HPCAL1: variants seen among roughly 807,000 people sequenced by gnomAD.
HPCAL1 encodes the protein hippocalcin like 1.
Under a neutral mutation model 17.1 loss-of-function variants are expected in HPCAL1, and 8 were observed. The ratio of observed to expected loss-of-function variants is 0.47; its 90% CI spans 0.27 to 0.84. HPCAL1 has a LOEUF of 0.84. Ranked by LOEUF, HPCAL1 falls within the 40% of genes least tolerant of loss-of-function variation. The pLI is 0.13. For missense variants in HPCAL1, 165 were observed against 271.1 expected (o/e 0.61, Z 2.75); for synonymous variants, 112 against 111.4 (o/e 1.01, Z -0.03).
intron 1 of HPCAL1, among the ~76,000 whole-genome samples, chr2:10,347,093 G>C (rs1277893969): frequency 6.6e-6 from 1 of 152,066 alleles, no homozygotes; most frequent in Admixed American, 6.5e-5. Flanking sequence ...AGTCTCTAGA[G>C]AGCCCCGCAC....
chr2:10,314,578 G>C (rs1663189091), intron 1 of HPCAL1, among the ~76,000 whole-genome samples: 1 of 152,178 alleles, frequency 6.6e-6, no homozygotes, highest in South Asian at 2.1e-4. Context: ...GTTCCCTTAA[G>C]AGGATCCTCT....
chr2:10,409,465 G>T (rs1304708272), intron 2 of HPCAL1, among the ~76,000 whole-genome samples: 2 of 152,228 alleles, frequency 1.3e-5, no homozygotes, highest in Admixed American at 1.3e-4. Flanking sequence ...CAGGCAGCTT[G>T]ACTGTCACTT....
chr2:10,354,227 G>A lies in HPCAL1; in HGVS notation c.-110-42608G>A, dbSNP rs1666002176. On this transcript the variant is annotated intron_variant, in intron 1 of 4. Coordinates refer to ENST00000307845, the MANE Select transcript of HPCAL1 (RefSeq NM_002149.4). The surrounding 1 kb of genome is among the most constrained non-coding windows in gnomAD (Gnocchi z 5.1). ...TCTCAACCCCTCAGGCCCAGCAGAA[G>A]TCCTCTCTGTCTTCTCCAGGCGCAG... The A allele has an allele frequency of 6.6e-6, 1 of 152,242 alleles. No homozygotes were observed. The highest frequency in any genetic ancestry group is 2.4e-5 in the African/African-American group (1 of 41,434). The allele number at this position is 152,242 out of a possible 1,614,324, so 9.4% of individuals were successfully genotyped here.
At position 10,323,527 on chromosome 2, in the gene HPCAL1, G is replaced by T. The variant is rs1558457172; in HGVS notation, c.-111+20350G>T. ...ACAATGGGTGACTGAGGCAGTTACA[G>T]GTGTCAGCCCCAGATGAGGCTCCCC... On this transcript the variant is annotated intron_variant, in intron 1 of 4. Coordinates refer to ENST00000307845, the MANE Select transcript of HPCAL1 (RefSeq NM_002149.4). The surrounding 1 kb of genome is among the most constrained non-coding windows in gnomAD (Gnocchi z 4.6). Among the ~76,000 whole-genome samples the T allele has an allele frequency of 1.3e-5, 2 of 152,196 alleles. No individual in the cohort carries two copies. The highest frequency in any genetic ancestry group is 1.3e-4 in the Admixed American group (2 of 15,278).
intron 1 of HPCAL1, among the ~76,000 whole-genome samples, chr2:10,326,263 C>G (rs1343143621): frequency 6.6e-6 from 1 of 152,258 alleles, no homozygotes; most frequent in Non-Finnish European, 1.5e-5. Context: ...TGGGAGATCT[C>G]CCTGCCTCAA....
chr2:10,368,434 G>A (rs534617453), intron 1 of HPCAL1, among the ~76,000 whole-genome samples: 3 of 152,172 alleles, frequency 2.0e-5, no homozygotes, highest in Non-Finnish European at 4.4e-5. Flanking sequence ...GCTCCTTGAG[G>A]GCAGGGTGGT....
chr2:10,416,966 C>T (rs570417717), intron 2 of HPCAL1, among the ~76,000 whole-genome samples: 6 of 152,180 alleles, frequency 3.9e-5, no homozygotes, highest in Non-Finnish European at 5.9e-5. Context: ...TGCTTGTCCT[C>T]GTCTGGGGCA....
intron 2 of HPCAL1, among the ~76,000 whole-genome samples, chr2:10,401,647 G>A (rs770372390): frequency 5.9e-5 from 9 of 152,152 alleles, no homozygotes; most frequent in Admixed American, 1.3e-4. Flanking sequence ...CCTGCCTCTC[G>A]TCAAACAATT....
At chr2:10,397,732 C>T (rs748296264) in intron 2 of HPCAL1, among the ~76,000 whole-genome samples, 16 of 147,380 alleles carry the variant, frequency 1.1e-4, no homozygotes, top group East Asian at 5.8e-4. Context: ...TGCCAGCTCC[C>T]GAGACAGGAA....
chr2:10,352,315 C>G, intron 1 of HPCAL1, among the ~76,000 whole-genome samples: 1 of 152,298 alleles, frequency 6.6e-6, no homozygotes, highest in South Asian at 2.1e-4. Context: ...GCTTTCCTTT[C>G]GCCTGTTTGG....
intron 2 of HPCAL1, among the ~76,000 whole-genome samples, chr2:10,411,617 C>T (rs537449937): frequency 6.6e-6 from 1 of 152,352 alleles, no homozygotes; most frequent in South Asian, 2.1e-4. Context: ...CATGCCTACA[C>T]CATAACTCAA....
chr2:10,335,253 A>G (rs1664646401), intron 1 of HPCAL1, among the ~76,000 whole-genome samples: 1 of 152,216 alleles, frequency 6.6e-6, no homozygotes, highest in Non-Finnish European at 1.5e-5. Flanking sequence ...TTATAAAAAG[A>G]CTGCAGCTGC....
intron 1 of HPCAL1, among the ~76,000 whole-genome samples, chr2:10,324,854 G>A (rs375449440): frequency 7.8e-5 from 9 of 114,860 alleles, no homozygotes; most frequent in Non-Finnish European, 1.3e-4. Flanking sequence ...ACAGAGTCTC[G>A]CTCTGTCACC....
At chr2:10,410,435 TC>T (rs1220872389) in intron 2 of HPCAL1, among the ~76,000 whole-genome samples, 7 of 106,622 alleles carry the variant, frequency 6.6e-5, no homozygotes, top group African/African-American at 2.3e-4. Flanking sequence ...TTCTTCTTCT[TC>T]TTTTTTTTTT....
chr2:10,402,152 G>A (rs1339884393), intron 2 of HPCAL1, among the ~76,000 whole-genome samples: 3 of 152,082 alleles, frequency 2.0e-5, no homozygotes, highest in East Asian at 1.9e-4. Context: ...TGCCCGCCTC[G>A]GCCTCCCAAA....
chr2:10,420,573 C>T lies in HPCAL1; in HGVS notation c.378+438C>T, dbSNP rs112016548. ...TACCTGGTGCACTTTGGAAAGTGAG[C>T]AGTTGTCACCTGATTGGGCAGACCC... On this transcript the variant is annotated intron_variant, in intron 3 of 4. Coordinates refer to ENST00000307845, the MANE Select transcript of HPCAL1 (RefSeq NM_002149.4). Among the ~76,000 whole-genome samples, 299 of 152,100 alleles carry T rather than the reference C, an allele frequency of 2.0e-3. 1 individual carries two copies. The highest frequency in any genetic ancestry group is 6.7e-3 in the African/African-American group (278 of 41,470).
rs1000821148 is a variant in HPCAL1 at position 10,330,850 on chromosome 2, A to G, written c.-111+27673A>G. On this transcript the variant is annotated intron_variant, in intron 1 of 4. Transcript: ENST00000307845. This position sits in a 1 kb window ranked among gnomAD's most constrained non-coding sequence, Gnocchi z 4.2. Reference sequence around the variant, plus strand: ...AGTGTGTCTCCGACTGCGGACCCCGATCATCTTTGTGAGAATGCAGGTTCC... The same window carrying G: ...AGTGTGTCTCCGACTGCGGACCCCGGTCATCTTTGTGAGAATGCAGGTTCC... Among the ~76,000 whole-genome samples the G allele has an allele frequency of 2.0e-5, 3 of 152,162 alleles. No individual in the cohort carries two copies. Among genetic ancestry groups the G allele is most frequent in the African/African-American group, 7.2e-5 (3 of 41,444 alleles).
rs61671894 is a variant in HPCAL1 at position 10,331,614 on chromosome 2, C to T, written c.-111+28437C>T. ...AGTGTGTGCTTTGGGCCCAGCTGCA[C>T]TGTGCCCGGGGTCCAGGGATGGGTG... On this transcript the variant is annotated intron_variant, in intron 1 of 4. Coordinates refer to ENST00000307845, the MANE Select transcript of HPCAL1 (RefSeq NM_002149.4). The surrounding 1 kb of genome is among the most constrained non-coding windows in gnomAD (Gnocchi z 5.0). 0.058 allele frequency among the ~76,000 whole-genome samples: 8,760 copies of T among 152,266 alleles called. 546 individuals carry two copies. The highest frequency in any genetic ancestry group is 0.32 in the East Asian group (1,648 of 5,142).
chr2:10,376,061 G>A (rs966294107), intron 1 of HPCAL1, among the ~76,000 whole-genome samples: 1 of 152,150 alleles, frequency 6.6e-6, no homozygotes, highest in Non-Finnish European at 1.5e-5. Context: ...TTAAAAGAGT[G>A]TGTCACCTCC....
Sources: gnomAD v4.1 joint callset for allele counts (sites outside exome capture counted in the v4.1 genomes callset) on GRCh38, gnomAD v4.1.1 for gene constraint, Gnocchi (gnomAD v3.1) non-coding constraint, MANE v1.5 for transcripts, NCBI Gene and HGNC (gene_info 2026-07-23, HGNC 2026-07-21) for gene names.